The following RBMS1 variants were observed in gnomAD, a reference collection of about 807,000 sequenced individuals.
RBMS1 encodes RNA binding motif single stranded interacting protein 1, also known as RNA-binding motif, single-stranded-interacting protein 1.
RBMS1 carries 17 observed loss-of-function variants against 62.3 expected under a neutral mutation model. The ratio of observed to expected loss-of-function variants is 0.27; its 90% CI spans 0.19 to 0.41. The LOEUF (loss-of-function observed/expected upper bound fraction) is 0.41. Among genes scored for constraint, RBMS1 ranks in the 10% least tolerant of loss-of-function variants. The pLI is 1.00. For missense variants in RBMS1, 334 were observed against 504.5 expected, an observed-to-expected ratio of 0.66 and a Z score of 3.24; for synonymous variants, 172 against 170.0, an observed-to-expected ratio of 1.01 and a Z score of -0.09.
intron 2 of RBMS1, among the ~76,000 whole-genome samples, chr2:160,349,553 A>AAGAGAGAGAG (rs372260654): frequency 1.1e-4 from 16 of 142,842 alleles, no homozygotes; most frequent in South Asian, 6.9e-4. Flanking sequence ...CAGAGACAGA[A>AAGAGAGAGAG]AGAGAGAGAG....
chr2:160,338,039 C>G (rs1415249982), intron 2 of RBMS1, among the ~76,000 whole-genome samples: 2 of 152,128 alleles, frequency 1.3e-5, no homozygotes, highest in African/African-American at 2.4e-5. Flanking sequence ...AGGTAGAAAG[C>G]TTTGGTGACA....
intron 1 of RBMS1, among the ~76,000 whole-genome samples, chr2:160,470,405 T>C (rs891656031): frequency 6.6e-6 from 1 of 152,228 alleles, no homozygotes; most frequent in Admixed American, 6.5e-5. Flanking sequence ...ATTTTAACAA[T>C]AGTGATTTGC....
At chr2:160,467,386 C>T (rs758720208) in intron 1 of RBMS1, among the ~76,000 whole-genome samples, 13 of 152,116 alleles carry the variant, frequency 8.5e-5, no homozygotes, top group East Asian at 1.9e-4. Context: ...CTAGTCTTAT[C>T]GCCTGAGTGC....
intron 1 of RBMS1, among the ~76,000 whole-genome samples, chr2:160,490,013 C>A (rs1235603483): frequency 2.6e-5 from 4 of 151,938 alleles, no homozygotes; most frequent in African/African-American, 9.7e-5. Context: ...ATAAACAGAC[C>A]ATAATTCAAG....
In RBMS1 at chr2:160,367,399, A is replaced by G. The variant is rs367759925; in HGVS notation, c.76-8T>C. 13 of 1,613,922 alleles carry G rather than the reference A, an allele frequency of 8.1e-6. No homozygotes were observed. Among genetic ancestry groups the G allele is most frequent in the Non-Finnish European group, 1.0e-5 (12 of 1,179,970 alleles). On this transcript the variant is annotated splice_region_variant and splice_polypyrimidine_tract_variant and intron_variant, in intron 1 of 13. Transcript: ENST00000348849. ...GGCTGGGACCAGAGACTGCTGGAAA[A>G]CAAAGATCAGGAGCCTTAGTATGCT...
chr2:160,437,962 T>TA (rs5835804), intron 1 of RBMS1, among the ~76,000 whole-genome samples: 144,851 of 152,274 alleles, frequency 0.95, 69,080 homozygotes, highest in East Asian at 1. Flanking sequence ...ACCTTGTTCA[T>TA]CCACTTTTAC....
At chr2:160,382,731 TGA>T (rs1303471006) in intron 1 of RBMS1, among the ~76,000 whole-genome samples, 1 of 152,194 alleles carries the variant, frequency 6.6e-6, no homozygotes, top group Admixed American at 6.5e-5. Flanking sequence ...TAGAGAAGTG[TGA>T]GAGAGTTCGT....
chr2:160,396,013 G>A (rs1454073735), intron 1 of RBMS1, among the ~76,000 whole-genome samples: 1 of 152,208 alleles, frequency 6.6e-6, no homozygotes, highest in African/African-American at 2.4e-5. Context: ...CTGTCACCCA[G>A]ATGATGTCAT....
intron 1 of RBMS1, among the ~76,000 whole-genome samples, chr2:160,402,585 C>G (rs991629345): frequency 1.8e-4 from 28 of 152,050 alleles, no homozygotes; most frequent in Non-Finnish European, 5.9e-5. Context: ...CTTTATAAAA[C>G]AAACAAAAAA....
At chr2:160,292,895 T>C (rs896173770) in intron 6 of RBMS1, among the ~76,000 whole-genome samples, 3 of 152,214 alleles carry the variant, frequency 2.0e-5, no homozygotes, top group Non-Finnish European at 2.9e-5. Context: ...AGGAATGAAT[T>C]TGAATTCTGG....
chr2:160,323,608 GAAAGAAAAA>G lies in RBMS1; in HGVS notation c.252-5390_252-5382del, dbSNP rs1163736118. 2.5e-3 allele frequency among the ~76,000 whole-genome samples: 213 copies of G among 84,756 alleles called. 1 individual carries two copies. The highest frequency in any genetic ancestry group is 8.7e-3 in the African/African-American group (199 of 22,830). The allele number at this position is 84,756 out of a possible 152,430, so 55.6% of individuals were successfully genotyped here. A position where few individuals can be genotyped will look rare whatever the true frequency, so the allele number is the denominator to read the frequency against. On this transcript the variant is annotated intron_variant, in intron 2 of 13. Coordinates refer to ENST00000348849, the MANE Select transcript of RBMS1 (RefSeq NM_016836.4). ...CAAACAGCATGATGTAGAATTTCAT[GAAAGAAAAA>G]AAAAAAAAAAAAAACTGTGACTATG...
chr2:160,280,665 A>C (rs1559310757), intron 10 of RBMS1, among the ~76,000 whole-genome samples: 1 of 152,208 alleles, frequency 6.6e-6, no homozygotes, highest in Non-Finnish European at 1.5e-5. Context: ...GTGAGCATGC[A>C]GGGTCATTGT....
At chr2:160,304,809 G>A (rs1278616039) in intron 4 of RBMS1, among the ~76,000 whole-genome samples, 1 of 152,002 alleles carries the variant, frequency 6.6e-6, no homozygotes, top group East Asian at 1.9e-4. Flanking sequence ...AAATTTAAAG[G>A]TTTATAAAGT....
At chr2:160,382,314 C>T (rs1490104020) in intron 1 of RBMS1, among the ~76,000 whole-genome samples, 1 of 152,194 alleles carries the variant, frequency 6.6e-6, no homozygotes, top group African/African-American at 2.4e-5. Flanking sequence ...GAATCTTTCA[C>T]TTGAAATTTA....
chr2:160,396,767 G>A (rs1445428010), intron 1 of RBMS1, among the ~76,000 whole-genome samples: 3 of 151,966 alleles, frequency 2.0e-5, no homozygotes, highest in African/African-American at 4.8e-5. Context: ...GTTTCACCAT[G>A]TTGGTCAGGC....
At chr2:160,352,473 G>A (rs1692571198) in intron 2 of RBMS1, among the ~76,000 whole-genome samples, 1 of 152,046 alleles carries the variant, frequency 6.6e-6, no homozygotes, top group African/African-American at 2.4e-5. Flanking sequence ...TAGCCTTTAA[G>A]TACAAAAACA....
intron 1 of RBMS1, among the ~76,000 whole-genome samples, chr2:160,482,662 C>T (rs1347987316): frequency 6.6e-6 from 1 of 152,128 alleles, no homozygotes; most frequent in Non-Finnish European, 1.5e-5. Context: ...ATTCCCAGTG[C>T]ATTCACTTAT....
At chr2:160,417,293 C>A (rs1310940264) in intron 1 of RBMS1, among the ~76,000 whole-genome samples, 1 of 152,154 alleles carries the variant, frequency 6.6e-6, no homozygotes, top group Non-Finnish European at 1.5e-5. Flanking sequence ...GCTTTATAAA[C>A]TACATAGTGA....
At chr2:160,369,359 C>T (rs1457348623) in intron 1 of RBMS1, among the ~76,000 whole-genome samples, 1 of 152,190 alleles carries the variant, frequency 6.6e-6, no homozygotes, top group African/African-American at 2.4e-5. Flanking sequence ...GGCCATGCCC[C>T]ACAAAGCCTG....
Sources: allele counts gnomAD v4.1 joint callset (sites outside exome capture counted in the v4.1 genomes callset), GRCh38; gene constraint gnomAD v4.1.1; transcripts MANE v1.5; gene names NCBI Gene and HGNC (gene_info 2026-07-23, HGNC 2026-07-21).